The following RET variants were observed in gnomAD, a reference collection of about 807,000 sequenced individuals.
The protein encoded by RET is ret proto-oncogene.
Under a neutral mutation model 118.3 loss-of-function variants are expected in RET, and 19 were observed. The ratio of observed to expected loss-of-function variants is 0.16; its 90% CI spans 0.11 to 0.24. The LOEUF (loss-of-function observed/expected upper bound fraction) is 0.24. Ranked by LOEUF, RET falls within the 10% of genes least tolerant of loss-of-function variation. RET has a pLI of 1.00. For synonymous variants in RET, 597 were observed against 644.1 expected, an observed-to-expected ratio of 0.93 and a Z score of 1.11; for missense variants, 1,219 against 1,502.1, an observed-to-expected ratio of 0.81 and a Z score of 3.12.
chr10:43,106,279 G>T lies in RET; in HGVS notation c.868-97G>T. On this transcript the variant is annotated intron_variant, in intron 4 of 19. Coordinates refer to ENST00000355710, the MANE Select transcript of RET (RefSeq NM_020975.6). This position sits in a 1 kb window ranked among gnomAD's most constrained non-coding sequence, Gnocchi z 5.1. ...ACAACACACATCTGGTCCACCTATG[G>T]GCTGTGTGGGACGTGCAGCATTCTA... The T allele has an allele frequency of 1.7e-6, 2 of 1,187,564 alleles. No homozygotes were observed. The highest frequency in any genetic ancestry group is 2.4e-6 in the Non-Finnish European group (2 of 821,360). 73.6% of individuals were successfully genotyped at this position (1,187,564 alleles called of 1,614,324 possible).
chr10:43,117,190 C>T (rs1176738679), intron 12 of RET, among the ~76,000 whole-genome samples: 2 of 152,274 alleles, frequency 1.3e-5, no homozygotes, highest in Admixed American at 6.5e-5. Flanking sequence ...CCCACACAGG[C>T]ATGCGACTGC....
chr10:43,088,529 G>A (rs747483003), intron 1 of RET, among the ~76,000 whole-genome samples: 6 of 152,014 alleles, frequency 3.9e-5, no homozygotes, highest in Admixed American at 2.6e-4. Context: ...TAGAGGTGAC[G>A]GTGATGTTGA....
chr10:43,128,025 T>C (rs933195191), intron 19 of RET, 87 bp from the exon 20 acceptor site: 2 of 1,412,154 alleles, frequency 1.4e-6, no homozygotes, highest in East Asian at 4.6e-5. Context: ...GGTTTGAACA[T>C]CAAAGGGAGT....
At chr10:43,113,279 G>A (rs1028456211) in intron 9 of RET, among the ~76,000 whole-genome samples, 4 of 152,238 alleles carry the variant, frequency 2.6e-5, no homozygotes, top group African/African-American at 9.6e-5. Flanking sequence ...GAGGGACACT[G>A]CAATGTGCGG....
chr10:43,113,563 C>G lies in RET; in HGVS notation c.1767C>G (p.Ser589Arg), dbSNP rs2132826445. Residue 589 changes from serine (S) to arginine (R), a missense_variant, in exon 10 of 20, where the codon AGC (serine) becomes AGG (arginine). By Grantham distance (110) the Ser-to-Arg change is moderately radical (BLOSUM62 -1). Coordinates refer to ENST00000355710, the MANE Select transcript of RET (RefSeq NM_020975.6). ...NICPQDCLRG[S>R]IVGGHEPGEP... ...GGCTACGTCTGCCCTCAGGGGGCAG[C>G]ATTGTTGGGGGACACGAGCCTGGGG... 2 of 1,607,968 alleles carry G rather than the reference C, an allele frequency of 1.2e-6. No homozygotes were observed. Among genetic ancestry groups the G allele is most frequent in the Non-Finnish European group, 1.7e-6 (2 of 1,178,146 alleles).
At position 43,106,084 on chromosome 10, in the gene RET, G is replaced by A. The variant is rs1391210497; in HGVS notation, c.868-292G>A. Among the ~76,000 whole-genome samples, 1 of 152,194 alleles carries A rather than the reference G, an allele frequency of 6.6e-6. No homozygotes were observed. Among genetic ancestry groups the A allele is most frequent in the African/African-American group, 2.4e-5 (1 of 41,442 alleles). ...TCCTGCTCTCTGGGGACCTGGATGG[G>A]ACCTGCCAGCAGGGTGCCTGGGCAT... is the stretch of plus-strand genomic sequence containing the variant. On this transcript the variant is annotated intron_variant, in intron 4 of 19. Transcript: ENST00000355710. The surrounding 1 kb of genome is among the most constrained non-coding windows in gnomAD (Gnocchi z 5.1).
Position 43,114,418 on chromosome 10 carries a change from G to T in RET, c.1880-62G>T. The T allele has an allele frequency of 6.3e-7, 1 of 1,597,548 alleles. No individual in the cohort carries two copies. The stretch of plus-strand genomic sequence containing the variant: ...AGAGCCATGAGGCAGAGCATACGCA[G>T]CCTGTACCCAGTGGTGCCGAGCCTC... On this transcript the variant is annotated intron_variant, in intron 10 of 19. Transcript: ENST00000355710. This position sits in a 1 kb window ranked among gnomAD's most constrained non-coding sequence, Gnocchi z 4.6.
chr10:43,122,138 C>A, intron 16 of RET, 122 bp downstream of exon 16: 1 of 811,126 alleles, frequency 1.2e-6, no homozygotes. Flanking sequence ...GAGCACCTGT[C>A]TGCAGTGCTA....
At chr10:43,092,547 A>C (rs1837432581) in intron 1 of RET, among the ~76,000 whole-genome samples, 1 of 152,246 alleles carries the variant, frequency 6.6e-6, no homozygotes, top group Non-Finnish European at 1.5e-5. Flanking sequence ...TATTTACAGT[A>C]GAGCCTCCCT....
At chr10:43,095,433 A>T (rs754628154) in intron 1 of RET, among the ~76,000 whole-genome samples, 1 of 152,184 alleles carries the variant, frequency 6.6e-6, no homozygotes, top group African/African-American at 2.4e-5. Flanking sequence ...GCTGCCTGCA[A>T]AGTAACCTGC....
intron 8 of RET, 81 bp downstream of exon 8, chr10:43,112,305 G>C: frequency 2.1e-6 from 3 of 1,448,432 alleles, no homozygotes; most frequent in Non-Finnish European, 2.7e-6. Context: ...CTGCCAGCCT[G>C]GGGTGGCTCT....
In RET at chr10:43,105,119, G is replaced by C. The variant is rs2132707488; in HGVS notation, c.793G>C (p.Glu265Gln). Residue 265 changes from glutamate (E) to glutamine (Q), a missense_variant, in exon 4 of 20, where the codon GAG becomes CAG. Physicochemically the swap from Glu to Gln is conservative, Grantham distance 29. Around this residue, in one of 5 missense-constraint regions of RET, gnomAD observed 850 missense variants for 969.6 expected, o/e 0.88. Transcript: ENST00000355710. ...GCCCTTCCCGGTGACCGTGTACGAC[G>C]AGGACGACTCGGCGCCCACCTTCCC... Reference protein sequence around the residue: ...MVPFPVTVYDEDDSAPTFPAG... With the variant: ...MVPFPVTVYDQDDSAPTFPAG... 6.2e-7 allele frequency: 1 copy of C among 1,612,486 alleles called. No homozygotes were observed.
chr10:43,087,033 C>A (rs1837304534), intron 1 of RET, among the ~76,000 whole-genome samples: 1 of 152,250 alleles, frequency 6.6e-6, no homozygotes, highest in African/African-American at 2.4e-5. Flanking sequence ...GGCTCATGTC[C>A]TGGTTGCAGT....
intron 1 of RET, among the ~76,000 whole-genome samples, chr10:43,083,411 C>G (rs149626767): frequency 9.1e-4 from 138 of 152,288 alleles, no homozygotes; most frequent in African/African-American, 3.2e-3. Flanking sequence ...CTATGTCCTT[C>G]TTGTGGCATA....
At chr10:43,100,831 C>CGG in intron 2 of RET, 109 bp downstream of exon 2, 1 of 1,260,254 alleles carries the variant, frequency 7.9e-7, no homozygotes, top group Non-Finnish European at 1.1e-6. Flanking sequence ...CCCCCCACCG[C>CGG]TGGTGTGGAA....
chr10:43,102,581 G>T lies in RET; in HGVS notation c.577G>T (p.Val193Leu), dbSNP rs1008123818. The T allele has an allele frequency of 5.6e-6, 9 of 1,614,110 alleles. No individual in the cohort carries two copies. Among genetic ancestry groups the T allele is most frequent in the Non-Finnish European group, 7.6e-6 (9 of 1,180,060 alleles). Reference protein sequence around the residue: ...GTFHQFRLLPVQFLCPNISVA... With the variant: ...GTFHQFRLLPLQFLCPNISVA... Reference sequence around the variant, plus strand: ...CTTCCACCAGTTCCGCCTGCTGCCTGTGCAGTTCTTGTGCCCCAACATCAG... The same window carrying T: ...CTTCCACCAGTTCCGCCTGCTGCCTTTGCAGTTCTTGTGCCCCAACATCAG... The change falls in exon 3 of 20, where the codon GTG becomes TTG. Residue 193 changes from valine (V) to leucine (L), a missense_variant. Val to Leu is a conservative substitution (Grantham distance 32). Around this residue, in one of 5 missense-constraint regions of RET, gnomAD observed 850 missense variants for 969.6 expected, o/e 0.88. Transcript: ENST00000355710.
At chr10:43,102,952 G>A (rs72781234) in intron 3 of RET, 18,561 of 448,800 alleles carry the variant, frequency 0.041, 542 homozygotes, top group South Asian at 0.086. Context: ...AGAGGGAAAC[G>A]CTGAAGAGGA....
rs1464792143 is a variant in RET, at chr10:43,128,334, C to T, written c.*65C>T. 31 of 1,585,062 alleles carry T rather than the reference C, an allele frequency of 2.0e-5. No individual in the cohort carries two copies. The highest frequency in any genetic ancestry group is 3.3e-4 in the Middle Eastern group (2 of 6,032). ...AACATGCTGAGAATGGAAAGTCTAC[C>T]GGCCCTTTCTTTGTGAACGTCACAT... On this transcript the variant is annotated 3_prime_UTR_variant, in exon 20 of 20. Coordinates refer to ENST00000355710, the MANE Select transcript of RET (RefSeq NM_020975.6).
At chr10:43,125,616 T>C (rs985712458) in intron 18 of RET, among the ~76,000 whole-genome samples, 3 of 152,026 alleles carry the variant, frequency 2.0e-5, no homozygotes, top group Non-Finnish European at 4.4e-5. Context: ...GTTTGTGAGG[T>C]CTACACATTT....
Sources: allele counts gnomAD v4.1 joint callset (sites outside exome capture counted in the v4.1 genomes callset), GRCh38; gene constraint gnomAD v4.1.1; regional missense constraint gnomAD v4.1.1; non-coding constraint Gnocchi (gnomAD v3.1); transcripts MANE v1.5; gene names NCBI Gene and HGNC (gene_info 2026-07-23, HGNC 2026-07-21).